The following MTMR3 variants were observed in gnomAD, a reference collection of about 807,000 sequenced individuals.
MTMR3 encodes myotubularin related protein 3.
MTMR3 carries 32 observed loss-of-function variants against 132.4 expected under a neutral mutation model. That is an observed-to-expected ratio of 0.24 (90% CI 0.18 to 0.32). MTMR3 has a LOEUF of 0.32. Among genes scored for constraint, MTMR3 ranks in the 10% least tolerant of loss-of-function variants. MTMR3 has a pLI of 1.00. For synonymous variants in MTMR3, 556 were observed against 550.3 expected, an observed-to-expected ratio of 1.01 and a Z score of -0.14; for missense variants, 1,216 against 1,489.6, an observed-to-expected ratio of 0.82 and a Z score of 3.02.
chr22:29,912,418 G>C (rs149513462), intron 1 of MTMR3, among the ~76,000 whole-genome samples: 1 of 152,048 alleles, frequency 6.6e-6, no homozygotes, highest in Non-Finnish European at 1.5e-5. Flanking sequence ...CAAGTAGCTG[G>C]GATTACAGGT....
chr22:29,976,861 A>G (rs1424720657), intron 3 of MTMR3, among the ~76,000 whole-genome samples: 2 of 152,158 alleles, frequency 1.3e-5, no homozygotes, highest in Non-Finnish European at 2.9e-5. Flanking sequence ...AGATAAGAAG[A>G]AAAACTCTTT....
chr22:29,902,847 T>C (rs1380922111), intron 1 of MTMR3, among the ~76,000 whole-genome samples: 7 of 152,238 alleles, frequency 4.6e-5, no homozygotes, highest in Admixed American at 2.6e-4. Flanking sequence ...TAATAAATTA[T>C]CTTCTTTGTT....
intron 1 of MTMR3, among the ~76,000 whole-genome samples, chr22:29,947,901 T>C (rs754066304): frequency 2.0e-5 from 3 of 152,142 alleles, no homozygotes; most frequent in Non-Finnish European, 2.9e-5. Flanking sequence ...TTTCTGGTCT[T>C]TTGGCCATTT....
At chr22:29,966,759 G>C (rs1602585173) in intron 2 of MTMR3, among the ~76,000 whole-genome samples, 1 of 146,044 alleles carries the variant, frequency 6.8e-6, no homozygotes, top group South Asian at 2.2e-4. Flanking sequence ...GTGTGTGTGT[G>C]TGTGTGTGTG....
intron 1 of MTMR3, among the ~76,000 whole-genome samples, chr22:29,921,459 C>T (rs1479686853): frequency 2.0e-5 from 3 of 152,308 alleles, no homozygotes; most frequent in Non-Finnish European, 1.5e-5. Context: ...ATCTAAACCA[C>T]GTCAAGGAGT....
At chr22:29,898,682 G>A (rs760019633) in intron 1 of MTMR3, among the ~76,000 whole-genome samples, 23 of 152,188 alleles carry the variant, frequency 1.5e-4, no homozygotes, top group African/African-American at 3.9e-4. Context: ...TATTATAGGC[G>A]TGAGCCACCG....
chr22:29,899,865 G>C (rs542752026), intron 1 of MTMR3, among the ~76,000 whole-genome samples: 1 of 152,164 alleles, frequency 6.6e-6, no homozygotes, highest in South Asian at 2.1e-4. Context: ...GAGAATCATC[G>C]AGTAGTAGAC....
chr22:30,017,655 G>T (rs2067628494), intron 15 of MTMR3: 2 of 373,008 alleles, frequency 5.4e-6, no homozygotes, highest in African/African-American at 2.2e-5. Flanking sequence ...GGTGACCTAA[G>T]AAATAACTAT....
At chr22:29,921,506 A>G (rs2065412379) in intron 1 of MTMR3, among the ~76,000 whole-genome samples, 1 of 149,198 alleles carries the variant, frequency 6.7e-6, no homozygotes, top group Admixed American at 6.9e-5. Context: ...TTACTTTTTA[A>G]TGGATGATTG....
intron 1 of MTMR3, among the ~76,000 whole-genome samples, chr22:29,905,894 TTTTA>T (rs1472490807): frequency 2.6e-5 from 4 of 152,212 alleles, no homozygotes; most frequent in African/African-American, 9.7e-5. Flanking sequence ...CCTGTTAACC[TTTTA>T]TATATTAGCT....
At chr22:29,911,234 C>A (rs977015977) in intron 1 of MTMR3, among the ~76,000 whole-genome samples, 1 of 152,050 alleles carries the variant, frequency 6.6e-6, no homozygotes, top group African/African-American at 2.4e-5. Context: ...ATCTCATTAT[C>A]CTGTGAGCCA....
intron 1 of MTMR3, among the ~76,000 whole-genome samples, chr22:29,923,013 C>A (rs931222465): frequency 6.6e-6 from 1 of 150,752 alleles, no homozygotes; most frequent in South Asian, 2.1e-4. Flanking sequence ...TGGCTGAGAC[C>A]ACAGGTGCAC....
rs2067937161 is a variant in MTMR3, at chr22:30,027,631, C to T, written c.*1830C>T. 1 of 152,720 alleles carries T rather than the reference C, an allele frequency of 6.5e-6. No homozygotes were observed. Among genetic ancestry groups the T allele is most frequent in the Non-Finnish European group, 1.5e-5 (1 of 68,038 alleles). The allele number at this position is 152,720 out of a possible 1,614,324, so 9.5% of individuals were successfully genotyped here. A position where few individuals can be genotyped will look rare whatever the true frequency, so the allele number is the denominator to read the frequency against. ...GTCTGATGTACAGTGTGAATAAATG[C>T]TTGCAGCTCTTAGCTCTTTTTTGAT... On this transcript the variant is annotated 3_prime_UTR_variant, in exon 20 of 20. Transcript: ENST00000401950.
chr22:29,970,497 CTTTTTTTTTT>C (rs11326857), intron 2 of MTMR3, among the ~76,000 whole-genome samples: 5 of 57,744 alleles, frequency 8.7e-5, no homozygotes, highest in Non-Finnish European at 1.2e-4. Context: ...CCATGACCAG[CTTTTTTTTTT>C]TTTTTTTTTT....
At chr22:29,988,456 G>T (rs369052393) in intron 5 of MTMR3, 24 bp from the exon 6 acceptor site, 2 of 1,573,768 alleles carry the variant, frequency 1.3e-6, no homozygotes, top group Non-Finnish European at 1.7e-6. Context: ...TGACTAAGAG[G>T]ACTTCATTTT....
chr22:29,944,457 GACTTTT>G (rs1194880145), intron 1 of MTMR3, among the ~76,000 whole-genome samples: 5 of 152,056 alleles, frequency 3.3e-5, no homozygotes, highest in Non-Finnish European at 7.4e-5. Context: ...GAAAAAGTCA[GACTTTT>G]ACTTTTGTCT....
chr22:29,919,949 T>G (rs549472805), intron 1 of MTMR3, among the ~76,000 whole-genome samples: 1 of 152,260 alleles, frequency 6.6e-6, no homozygotes, highest in African/African-American at 2.4e-5. Flanking sequence ...GCTTTTATTA[T>G]TAAGATTTAG....
chr22:30,009,039 T>C lies in MTMR3; in HGVS notation c.1031T>C (p.Val344Ala). Residue 344 changes from valine (V) to alanine (A), a missense_variant, in exon 12 of 20, where the codon GTT (valine) becomes GCT (alanine). By Grantham distance (64) the Val-to-Ala change is moderately conservative (BLOSUM62 0). Coordinates refer to ENST00000401950, the MANE Select transcript of MTMR3 (RefSeq NM_021090.4). ...ECPEYYPNCE[V>A]VFMGMANIHS... Reference sequence around the variant, plus strand: ...CCAGAGTATTACCCAAACTGTGAAGTTGTGTTTATGGGGATGGCAAACATT... The same window carrying C: ...CCAGAGTATTACCCAAACTGTGAAGCTGTGTTTATGGGGATGGCAAACATT... 6.2e-7 allele frequency: 1 copy of C among 1,611,462 alleles called. No individual in the cohort carries two copies.
Position 29,942,488 on chromosome 22 carries a change from C to T in MTMR3, c.-137-14548C>T, listed in dbSNP as rs574962677. Among the ~76,000 whole-genome samples, 46 of 152,268 alleles carry T rather than the reference C, an allele frequency of 3.0e-4. No individual in the cohort carries two copies. In the South Asian group the frequency reaches 9.1e-3, roughly 30 times the overall value. On this transcript the variant is annotated intron_variant, in intron 1 of 19. Transcript: ENST00000401950. Reference sequence around the variant, plus strand: ...CTTATCAGGAGACAGGGTTTGAGAGCAGACAACTGGTCTGACCAAAATTTA... The same window carrying T: ...CTTATCAGGAGACAGGGTTTGAGAGTAGACAACTGGTCTGACCAAAATTTA...
Sources: allele counts gnomAD v4.1 joint callset (sites outside exome capture counted in the v4.1 genomes callset), GRCh38; gene constraint gnomAD v4.1.1; transcripts MANE v1.5; gene names NCBI Gene and HGNC (gene_info 2026-07-23, HGNC 2026-07-21).